Variants in GLIS3 observed in about 807,000 individuals in gnomAD.
GLIS3 encodes zinc finger protein GLIS3.
Under a neutral mutation model 78.6 loss-of-function variants are expected in GLIS3, and 53 were observed. The ratio of observed to expected loss-of-function variants is 0.67; its 90% CI spans 0.54 to 0.85. The LOEUF (loss-of-function observed/expected upper bound fraction) is 0.85. Among genes scored for constraint, GLIS3 ranks in the 40% least tolerant of loss-of-function variants. The pLI is 0.00. For synonymous variants in GLIS3, 684 were observed against 509.9 expected (o/e 1.34, Z -4.60); for missense variants, 1,703 against 1,231.1 (o/e 1.38, Z -5.74).
intron 1 of GLIS3, among the ~76,000 whole-genome samples, chr9:4,289,184 G>A (rs1386346440): frequency 1.3e-5 from 2 of 152,060 alleles, no homozygotes; most frequent in Non-Finnish European, 2.9e-5. Flanking sequence ...AACTTTTCTG[G>A]ACTTACAGTT....
chr9:3,844,876 C>A (rs534744256), intron 9 of GLIS3, among the ~76,000 whole-genome samples: 1 of 152,174 alleles, frequency 6.6e-6, no homozygotes, highest in Admixed American at 6.5e-5. Context: ...CTTTGCTTTA[C>A]AAATCGGCAA....
the GLIS3 span, among the ~76,000 whole-genome samples, chr9:4,426,717 G>A: frequency 6.6e-6 from 1 of 152,178 alleles, no homozygotes; most frequent in Non-Finnish European, 1.5e-5. Context: ...TTTCAGTCCT[G>A]GCTCCATCTC....
At position 4,111,446 on chromosome 9, in the gene GLIS3, G is replaced by C. The variant is rs570309932; in HGVS notation, c.1710+6322C>G. On this transcript the variant is annotated intron_variant, in intron 4 of 10. Transcript: ENST00000381971. ...TAAGGACAAAGTTCATGAAAGGTCAGTTCCCCAGGTAAACTGAATTAAATG... is the reference window on the plus strand; with the variant it reads ...TAAGGACAAAGTTCATGAAAGGTCACTTCCCCAGGTAAACTGAATTAAATG... 3.3e-5 allele frequency among the ~76,000 whole-genome samples: 5 copies of C among 152,320 alleles called. No homozygotes were observed. The East Asian group carries it at 7.7e-4, about 23-fold the overall frequency.
At chr9:4,009,882 T>A (rs562558258) in intron 4 of GLIS3, among the ~76,000 whole-genome samples, 1 of 152,258 alleles carries the variant, frequency 6.6e-6, no homozygotes, top group East Asian at 1.9e-4. Flanking sequence ...GCCCCGGTCA[T>A]AGGACACAAA....
chr9:3,888,945 C>T (rs976308521), intron 7 of GLIS3, among the ~76,000 whole-genome samples: 1 of 152,196 alleles, frequency 6.6e-6, no homozygotes, highest in African/African-American at 2.4e-5. Context: ...AAGCATGTGA[C>T]ATCCCTGTTA....
At chr9:4,420,222 G>C in the GLIS3 span, among the ~76,000 whole-genome samples, 1 of 152,180 alleles carries the variant, frequency 6.6e-6, no homozygotes, top group Non-Finnish European at 1.5e-5. Context: ...ACATGGAGAG[G>C]AAGATGCAAT....
the GLIS3 span, among the ~76,000 whole-genome samples, chr9:4,450,499 G>A: frequency 2.0e-5 from 3 of 152,064 alleles, no homozygotes; most frequent in Non-Finnish European, 4.4e-5. Flanking sequence ...TACAGACAAT[G>A]CCACAAAGAT....
intron 4 of GLIS3, among the ~76,000 whole-genome samples, chr9:4,023,685 C>A (rs567635875): frequency 1.3e-5 from 2 of 152,312 alleles, no homozygotes; most frequent in South Asian, 2.1e-4. Context: ...AAGGTGTCAA[C>A]ACAGAGCTCA....
At chr9:4,418,692 C>T in the GLIS3 span, among the ~76,000 whole-genome samples, 1 of 151,908 alleles carries the variant, frequency 6.6e-6, no homozygotes, top group South Asian at 2.1e-4. Context: ...GAGCCAGAGT[C>T]CATCTCAAAA....
intron 2 of GLIS3, among the ~76,000 whole-genome samples, chr9:4,196,408 G>A (rs906201612): frequency 5.3e-5 from 8 of 152,190 alleles, no homozygotes; most frequent in Non-Finnish European, 8.8e-5. Context: ...GTCCCTTTCC[G>A]CACTGTGGAA....
chr9:4,134,609 G>T (rs558928882), intron 2 of GLIS3, among the ~76,000 whole-genome samples: 1 of 152,268 alleles, frequency 6.6e-6, no homozygotes, highest in African/African-American at 2.4e-5. Flanking sequence ...AAGAGTAGTT[G>T]TAATTTTTGT....
At chr9:4,073,086 C>T (rs146698229) in intron 4 of GLIS3, among the ~76,000 whole-genome samples, 1 of 151,844 alleles carries the variant, frequency 6.6e-6, no homozygotes, top group East Asian at 1.9e-4. Flanking sequence ...GGCTGCCAAT[C>T]TCAAATTGGA....
intron 2 of GLIS3, among the ~76,000 whole-genome samples, chr9:4,322,309 T>C (rs1187598540): frequency 3.3e-5 from 5 of 152,228 alleles, no homozygotes; most frequent in African/African-American, 1.2e-4. Flanking sequence ...TCGAAGTCTG[T>C]GCTGTTGTGA....
chr9:4,202,790 T>C (rs930993324), intron 2 of GLIS3, among the ~76,000 whole-genome samples: 2 of 152,236 alleles, frequency 1.3e-5, no homozygotes, highest in Non-Finnish European at 1.5e-5. Context: ...AGTGGGACTC[T>C]TTCTGTTCAC....
At chr9:4,087,594 G>A (rs1829141751) in intron 4 of GLIS3, among the ~76,000 whole-genome samples, 1 of 152,130 alleles carries the variant, frequency 6.6e-6, no homozygotes, top group Admixed American at 6.5e-5. Context: ...GTGGGCTCTG[G>A]CCTCATAGAG....
upstream of GLIS3, among the ~76,000 whole-genome samples, chr9:4,349,160 C>T (rs1405668028): frequency 1.3e-5 from 2 of 152,208 alleles, no homozygotes; most frequent in Non-Finnish European, 2.9e-5. Flanking sequence ...AAGCCTTTGC[C>T]ATGAGGGCTT....
At chr9:3,953,759 T>TGCTC (rs1816853702) in intron 4 of GLIS3, among the ~76,000 whole-genome samples, 1 of 111,392 alleles carries the variant, frequency 9.0e-6, no homozygotes, top group South Asian at 3.6e-4. Flanking sequence ...TAATTAGATT[T>TGCTC]GCTCTCTCTC....
At chr9:4,413,773 AT>A in the GLIS3 span, among the ~76,000 whole-genome samples, 1 of 152,066 alleles carries the variant, frequency 6.6e-6, no homozygotes, top group Non-Finnish European at 1.5e-5. Flanking sequence ...TCCACTGACC[AT>A]TTTTACCACT....
chr9:4,083,381 G>C (rs1198549786), intron 4 of GLIS3, among the ~76,000 whole-genome samples: 1 of 151,958 alleles, frequency 6.6e-6, no homozygotes, highest in Non-Finnish European at 1.5e-5. Flanking sequence ...AGCCCTCTAG[G>C]TAGCTGCTAC....
Sources: gnomAD v4.1 joint callset for allele counts (sites outside exome capture counted in the v4.1 genomes callset) on GRCh38, gnomAD v4.1.1 for gene constraint, MANE v1.5 for transcripts, NCBI Gene and HGNC (gene_info 2026-07-23, HGNC 2026-07-21) for gene names.